The following MIGA1 variants were observed in gnomAD, a reference collection of about 807,000 sequenced individuals.
MIGA1 encodes the protein mitoguardin 1, also known as family with sequence similarity 73, member A.
A neutral mutation model predicts 82.0 loss-of-function variants in MIGA1; 58 were observed. That is an observed-to-expected ratio of 0.71 (90% CI 0.57 to 0.88). MIGA1 has a LOEUF of 0.88. Among genes scored for constraint, MIGA1 ranks in the 40% least tolerant of loss-of-function variants. The pLI is 0.00. For synonymous variants in MIGA1, 249 were observed against 253.6 expected (o/e 0.98, Z 0.17); for missense variants, 751 against 749.1 (o/e 1.00, Z -0.03).
chr1:77,819,390 TCTC>T (rs1442319463), intron 7 of MIGA1, among the ~76,000 whole-genome samples: 2 of 147,618 alleles, frequency 1.4e-5, no homozygotes, highest in African/African-American at 2.5e-5. Context: ...TTCAAGCAAT[TCTC>T]CTGCCTCAGC....
chr1:77,830,163 T>G (rs1031306976), intron 7 of MIGA1, among the ~76,000 whole-genome samples: 1 of 152,184 alleles, frequency 6.6e-6, no homozygotes, highest in Non-Finnish European at 1.5e-5. Context: ...TTTTGATTAT[T>G]ATATTGTATT....
intron 5 of MIGA1, among the ~76,000 whole-genome samples, chr1:77,808,699 A>G (rs1683199944): frequency 6.6e-6 from 1 of 152,184 alleles, no homozygotes; most frequent in African/African-American, 2.4e-5. Flanking sequence ...GGAAATGCAT[A>G]CTAAATAAAA....
intron 1 of MIGA1, among the ~76,000 whole-genome samples, chr1:77,782,105 A>G (rs573432580): frequency 1.3e-5 from 2 of 152,238 alleles, no homozygotes; most frequent in East Asian, 3.9e-4. Context: ...GTCACTCCCA[A>G]AGTGCTCAGG....
intron 4 of MIGA1, among the ~76,000 whole-genome samples, chr1:77,804,532 G>C (rs1166806282): frequency 6.6e-6 from 1 of 151,872 alleles, no homozygotes; most frequent in Non-Finnish European, 1.5e-5. Context: ...GGGCAACATA[G>C]AGAAACTTTG....
rs1646914887 is a variant in MIGA1, at chr1:77,878,859, A to T, written c.*3795A>T. ...AGCTCCAAAGAACTTTGTCTTTCTC[A>T]TAAAGTAATATTCTTTATTTGCATC... On this transcript the variant is annotated 3_prime_UTR_variant, in exon 16 of 16. Coordinates refer to ENST00000370791, the MANE Select transcript of MIGA1 (RefSeq NM_198549.4). The T allele has an allele frequency of 2.7e-6, 1 of 370,732 alleles. No homozygotes were observed. Among genetic ancestry groups the T allele is most frequent in the Non-Finnish European group, 4.8e-6 (1 of 207,058 alleles). 23.0% of individuals were successfully genotyped at this position (370,732 alleles called of 1,614,324 possible). A position where few individuals can be genotyped will look rare whatever the true frequency, so the allele number is the denominator to read the frequency against.
intron 7 of MIGA1, among the ~76,000 whole-genome samples, chr1:77,827,572 C>T (rs942407556): frequency 6.6e-6 from 1 of 152,120 alleles, no homozygotes; most frequent in Non-Finnish European, 1.5e-5. Flanking sequence ...AGATTCCCTG[C>T]CTGCCTTACA....
intron 2 of MIGA1, among the ~76,000 whole-genome samples, chr1:77,794,356 G>A (rs1177109360): frequency 3.3e-5 from 5 of 152,056 alleles, no homozygotes; most frequent in Non-Finnish European, 7.4e-5. Flanking sequence ...TTAGTTGTCA[G>A]GTTTCCTTAG....
intron 2 of MIGA1, among the ~76,000 whole-genome samples, chr1:77,797,082 A>G (rs1411978055): frequency 2.0e-5 from 3 of 152,206 alleles, no homozygotes; most frequent in African/African-American, 7.2e-5. Flanking sequence ...TCCTTTTACC[A>G]TAATGCATTT....
chr1:77,829,803 T>A (rs1252670958), intron 7 of MIGA1, among the ~76,000 whole-genome samples: 2 of 152,122 alleles, frequency 1.3e-5, no homozygotes, highest in East Asian at 3.9e-4. Context: ...TTTATTGTTT[T>A]GTTTTTAATG....
intron 1 of MIGA1, among the ~76,000 whole-genome samples, chr1:77,781,787 A>G (rs1348652023): frequency 6.6e-6 from 1 of 152,198 alleles, no homozygotes; most frequent in African/African-American, 2.4e-5. Context: ...AGTAAGGATT[A>G]AGGGAAGCAT....
Position 77,864,035 on chromosome 1 carries a change from G to A in MIGA1, c.1509+7G>A. 6.2e-7 allele frequency: 1 copy of A among 1,605,236 alleles called. No homozygotes were observed. The highest frequency in any genetic ancestry group is 8.5e-7 in the Non-Finnish European group (1 of 1,177,942). On this transcript the variant is annotated splice_region_variant and intron_variant, in intron 13 of 15. Transcript: ENST00000370791. ...CTCATCCTTCAAAGAAACAGTAAGT[G>A]GTGGTTAACCTTTCTCAGCCTTTTA...
At chr1:77,865,601 AAG>A (rs899826994) in intron 13 of MIGA1, among the ~76,000 whole-genome samples, 3 of 151,190 alleles carry the variant, frequency 2.0e-5, no homozygotes, top group African/African-American at 7.4e-5. Context: ...CTCAAAAAAA[AAG>A]AAGAAGAAAA....
Position 77,853,695 on chromosome 1 carries a change from A to G in MIGA1, c.997-5243A>G, listed in dbSNP as rs562465617. Reference sequence around the variant, plus strand: ...ACAAACAAAAACAAACAAAAACCCAAAAACAAACAAACAACACACACACAC... The same window carrying G: ...ACAAACAAAAACAAACAAAAACCCAGAAACAAACAAACAACACACACACAC... On this transcript the variant is annotated intron_variant, in intron 8 of 15. Transcript: ENST00000370791. 517 of 266,918 alleles carry G rather than the reference A, an allele frequency of 1.9e-3. 4 individuals carry two copies. Among genetic ancestry groups the G allele is most frequent in the Non-Finnish European group, 2.6e-3 (365 of 139,136 alleles). The allele number at this position is 266,918 out of a possible 1,614,324, so 16.5% of individuals were successfully genotyped here.
rs779200199 is a variant in MIGA1 at position 77,807,000 on chromosome 1, GC to G, written c.537del (p.Cys180AlafsTer24). 6.2e-7 allele frequency: 1 copy of G among 1,612,380 alleles called. No homozygotes were observed. The highest frequency in any genetic ancestry group is 1.1e-5 in the South Asian group (1 of 90,876). Reference sequence around the variant, plus strand: ...GTCCAGAGTGTCAATTCTTGTCATAGCTGCGCTTGTGGCAATTCTAATTCCT... The same window carrying G: ...GTCCAGAGTGTCAATTCTTGTCATAGTGCGCTTGTGGCAATTCTAATTCCT... On this transcript the variant is annotated frameshift_variant, in exon 5 of 16. Transcript: ENST00000370791. LOFTEE classifies it high-confidence loss of function.
At chr1:77,793,348 C>T (rs1281457239) in intron 2 of MIGA1, among the ~76,000 whole-genome samples, 6 of 151,604 alleles carry the variant, frequency 4.0e-5, no homozygotes, top group Non-Finnish European at 7.4e-5. Flanking sequence ...AGCAGTCTGT[C>T]CGCTTTGGCC....
intron 8 of MIGA1, among the ~76,000 whole-genome samples, chr1:77,849,908 G>A (rs151250519): frequency 1.5e-4 from 23 of 152,144 alleles, no homozygotes; most frequent in African/African-American, 4.8e-4. Flanking sequence ...GGTGGCACAC[G>A]CCTGTAATCC....
chr1:77,864,061 A>G (rs1435207566), intron 13 of MIGA1, 33 bp downstream of exon 13: 2 of 1,595,984 alleles, frequency 1.3e-6, no homozygotes, highest in South Asian at 2.3e-5. Flanking sequence ...CAGCCTTTTA[A>G]GTTTGATTAA....
chr1:77,851,842 G>T (rs796624072), intron 8 of MIGA1, among the ~76,000 whole-genome samples: 1 of 151,096 alleles, frequency 6.6e-6, no homozygotes, highest in African/African-American at 2.4e-5. Flanking sequence ...ATTTCATGTA[G>T]AGGGTTTAAT....
At chr1:77,834,631 T>G (rs2101866628) in intron 7 of MIGA1, among the ~76,000 whole-genome samples, 1 of 152,340 alleles carries the variant, frequency 6.6e-6, no homozygotes, top group South Asian at 2.1e-4. Context: ...ACTTTGTTCT[T>G]TCTCTCAAAT....
Sources: allele counts gnomAD v4.1 joint callset (sites outside exome capture counted in the v4.1 genomes callset), GRCh38; gene constraint gnomAD v4.1.1; transcripts MANE v1.5; gene names NCBI Gene and HGNC (gene_info 2026-07-23, HGNC 2026-07-21).